The following MED13L variants were observed in gnomAD, a reference collection of about 807,000 sequenced individuals.
MED13L encodes mediator complex subunit 13L.
MED13L carries 7 observed loss-of-function variants against 220.9 expected under a neutral mutation model. The ratio of observed to expected loss-of-function variants is 0.03; its 90% CI spans 0.02 to 0.06. The LOEUF is 0.06. MED13L is among the 10% of genes least tolerant of loss of function. MED13L has a pLI of 1.00. For synonymous variants in MED13L, 1,011 were observed against 1,015.2 expected (o/e 1.00, Z 0.08); for missense variants, 1,965 against 2,760.5 (o/e 0.71, Z 6.46).
chr12:116,011,650 T>G (rs949629591), intron 9 of MED13L, among the ~76,000 whole-genome samples: 1 of 152,226 alleles, frequency 6.6e-6, no homozygotes, highest in African/African-American at 2.4e-5. Flanking sequence ...AAGAGTAAAG[T>G]AGGTATTCAC....
intron 4 of MED13L, among the ~76,000 whole-genome samples, chr12:116,076,063 G>A (rs1472102589): frequency 2.6e-5 from 4 of 151,944 alleles, no homozygotes; most frequent in African/African-American, 4.8e-5. Flanking sequence ...ACAGGCGCCC[G>A]CTACCACGCC....
chr12:116,231,830 G>A (rs1376580227), intron 2 of MED13L, among the ~76,000 whole-genome samples: 1 of 152,122 alleles, frequency 6.6e-6, no homozygotes, highest in East Asian at 1.9e-4. Flanking sequence ...ATGCATATAA[G>A]TGTGTAAATA....
intron 4 of MED13L, among the ~76,000 whole-genome samples, chr12:116,075,865 A>T (rs1267662192): frequency 6.6e-6 from 1 of 152,028 alleles, no homozygotes; most frequent in Non-Finnish European, 1.5e-5. Context: ...TGTGTGAGAT[A>T]CACTCTAGCC....
intron 2 of MED13L, among the ~76,000 whole-genome samples, chr12:116,188,062 G>T (rs1043478018): frequency 2.0e-5 from 3 of 151,512 alleles, no homozygotes; most frequent in Non-Finnish European, 4.4e-5. Flanking sequence ...TCAGGACTAC[G>T]ATAATCTGTG....
chr12:116,048,838 T>A (rs960773642), intron 4 of MED13L, among the ~76,000 whole-genome samples: 2 of 152,194 alleles, frequency 1.3e-5, no homozygotes, highest in African/African-American at 4.8e-5. Flanking sequence ...TCAGTGTTTT[T>A]AATATTACTT....
At chr12:116,062,679 G>C (rs892691460) in intron 4 of MED13L, among the ~76,000 whole-genome samples, 52 of 151,798 alleles carry the variant, frequency 3.4e-4, no homozygotes, top group African/African-American at 1.2e-3. Context: ...GTAGAGACAG[G>C]GTTTCCCCAT....
intron 2 of MED13L, among the ~76,000 whole-genome samples, chr12:116,212,224 C>T (rs1882740647): frequency 1.3e-5 from 2 of 152,144 alleles, no homozygotes; most frequent in South Asian, 4.1e-4. Flanking sequence ...CTTAAAGTCA[C>T]AGTTTCACTG....
intron 2 of MED13L, among the ~76,000 whole-genome samples, chr12:116,233,739 G>A (rs1869803268): frequency 6.6e-6 from 1 of 152,156 alleles, no homozygotes; most frequent in Non-Finnish European, 1.5e-5. Context: ...TAAATAATTA[G>A]ATCAAGAATA....
At chr12:116,047,123 G>A (rs1385430853) in intron 4 of MED13L, among the ~76,000 whole-genome samples, 1 of 152,214 alleles carries the variant, frequency 6.6e-6, no homozygotes, top group African/African-American at 2.4e-5. Context: ...ACCAAAGCGG[G>A]GAGATTGCTT....
At chr12:116,202,812 G>T (rs759663023) in intron 2 of MED13L, among the ~76,000 whole-genome samples, 3 of 152,078 alleles carry the variant, frequency 2.0e-5, no homozygotes, top group Non-Finnish European at 2.9e-5. Flanking sequence ...ATTCAATAAG[G>T]CTTCAGAAAA....
chr12:116,240,683 C>G (rs1371787626), intron 1 of MED13L, among the ~76,000 whole-genome samples: 2 of 151,698 alleles, frequency 1.3e-5, no homozygotes, highest in Non-Finnish European at 2.9e-5. Flanking sequence ...ACTACAGGCG[C>G]CCGCCACCGC....
intron 2 of MED13L, among the ~76,000 whole-genome samples, chr12:116,120,522 G>C (rs1042893389): frequency 2.2e-4 from 23 of 105,026 alleles, no homozygotes; most frequent in South Asian, 3.3e-4. Context: ...CACACACACA[G>C]AGTAAGATTT....
Position 116,104,125 on chromosome 12 carries a change from C to T in MED13L, c.395+7303G>A, listed in dbSNP as rs143320811. On this transcript the variant is annotated intron_variant, in intron 3 of 30. Transcript: ENST00000281928. ...TCCCAGGTTCAAGTGATTCTCCTGC[C>T]TCAGTCTCCCAAGTAGCTGGGATTA... 9.4e-3 allele frequency among the ~76,000 whole-genome samples: 1,407 copies of T among 149,964 alleles called. 23 individuals are homozygous for T. The highest frequency in any genetic ancestry group is 0.033 in the African/African-American group (1,356 of 40,890).
chr12:116,177,032 A>C (rs1033422403), intron 2 of MED13L, among the ~76,000 whole-genome samples: 5 of 152,156 alleles, frequency 3.3e-5, no homozygotes, highest in African/African-American at 1.2e-4. Flanking sequence ...TTAATTGGGT[A>C]AATTTTTATC....
intron 2 of MED13L, among the ~76,000 whole-genome samples, chr12:116,117,592 T>C (rs952787849): frequency 1.3e-5 from 2 of 151,962 alleles, no homozygotes; most frequent in Non-Finnish European, 2.9e-5. Flanking sequence ...TCTAAATTTA[T>C]ATATAAAAAG....
chr12:116,114,012 C>T (rs1410019913), intron 2 of MED13L, among the ~76,000 whole-genome samples: 1 of 152,104 alleles, frequency 6.6e-6, no homozygotes. Flanking sequence ...TGGCAAATCC[C>T]ACTCCTAAAT....
chr12:116,196,904 T>G (rs977169016), intron 2 of MED13L, among the ~76,000 whole-genome samples: 9 of 152,184 alleles, frequency 5.9e-5, no homozygotes, highest in African/African-American at 1.9e-4. Flanking sequence ...TCTTCAAAAT[T>G]TGAAGGCATT....
At chr12:116,011,175 G>A (rs1042612787) in intron 9 of MED13L, among the ~76,000 whole-genome samples, 18 of 152,034 alleles carry the variant, frequency 1.2e-4, no homozygotes, top group African/African-American at 4.1e-4. Flanking sequence ...GTGAGCCACT[G>A]CACCCAGCCT....
intron 14 of MED13L, among the ~76,000 whole-genome samples, chr12:116,002,742 G>A (rs1878824859): frequency 6.6e-6 from 1 of 152,070 alleles, no homozygotes; most frequent in Non-Finnish European, 1.5e-5. Context: ...CCTAAAACAT[G>A]TTTTTCTACA....
Sources: gnomAD v4.1 joint callset for allele counts (sites outside exome capture counted in the v4.1 genomes callset) on GRCh38, gnomAD v4.1.1 for gene constraint, MANE v1.5 for transcripts, NCBI Gene and HGNC (gene_info 2026-07-23, HGNC 2026-07-21) for gene names.